The following FTO variants were observed in gnomAD, a reference collection of about 807,000 sequenced individuals.
FTO encodes FTO alpha-ketoglutarate dependent dioxygenase.
Under a neutral mutation model 63.9 loss-of-function variants are expected in FTO, and 47 were observed. The ratio of observed to expected loss-of-function variants is 0.74; its 90% CI spans 0.58 to 0.94. FTO has a LOEUF of 0.94. FTO is among the 40% of genes least tolerant of loss of function. The pLI is 0.00. For missense variants in FTO, 562 were observed against 618.1 expected (o/e 0.91, Z 0.96); for synonymous variants, 207 against 224.4 (o/e 0.92, Z 0.69).
chr16:54,002,441 G>A (rs1198539775), intron 8 of FTO, among the ~76,000 whole-genome samples: 1 of 152,230 alleles, frequency 6.6e-6, no homozygotes, highest in Non-Finnish European at 1.5e-5. Flanking sequence ...ATTGTACGAG[G>A]TAACTCCACT....
intron 4 of FTO, among the ~76,000 whole-genome samples, chr16:53,857,440 GTCTCTCTCTC>G (rs147635985): frequency 2.5e-3 from 349 of 142,034 alleles, no homozygotes; most frequent in Middle Eastern, 0.015. Flanking sequence ...TGAGAACCTG[GTCTCTCTCTC>G]TCTCTCTCTC....
At chr16:53,736,437 G>A (rs1416151098) in intron 1 of FTO, among the ~76,000 whole-genome samples, 2 of 150,974 alleles carry the variant, frequency 1.3e-5, no homozygotes, top group African/African-American at 4.9e-5. Flanking sequence ...TGGAAATCTC[G>A]GGGTCATCCT....
At chr16:53,944,882 G>T (rs2143432659) in intron 8 of FTO, among the ~76,000 whole-genome samples, 1 of 152,316 alleles carries the variant, frequency 6.6e-6, no homozygotes, top group East Asian at 1.9e-4. Context: ...TCTCCTTTGA[G>T]AGAATGCCTC....
intron 8 of FTO, among the ~76,000 whole-genome samples, chr16:53,983,122 C>T (rs1304396682): frequency 6.6e-6 from 1 of 152,090 alleles, no homozygotes; most frequent in Non-Finnish European, 1.5e-5. Context: ...AGATTTCTCT[C>T]TGCGCTTTTT....
chr16:54,038,755 C>G (rs2085003586), intron 8 of FTO, among the ~76,000 whole-genome samples: 1 of 152,208 alleles, frequency 6.6e-6, no homozygotes, highest in Admixed American at 6.5e-5. Flanking sequence ...TGCCTGTACC[C>G]TCTTCGCCTT....
chr16:53,712,559 A>T (rs1375149745), intron 1 of FTO, among the ~76,000 whole-genome samples: 1 of 152,250 alleles, frequency 6.6e-6, no homozygotes, highest in Non-Finnish European at 1.5e-5. Flanking sequence ...ACTATCGAGT[A>T]ACAGTGAGTT....
intron 1 of FTO, among the ~76,000 whole-genome samples, chr16:53,800,703 C>G (rs2078197071): frequency 6.6e-6 from 1 of 152,000 alleles, no homozygotes; most frequent in African/African-American, 2.4e-5. Flanking sequence ...GATGATTTGA[C>G]TCCTTTATCA....
At position 54,095,440 on chromosome 16, in the gene FTO, C is replaced by CTTT. The variant is rs144637373; in HGVS notation, c.1365-16312_1365-16310dup. On this transcript the variant is annotated intron_variant, in intron 8 of 8. Coordinates refer to ENST00000471389, the MANE Select transcript of FTO (RefSeq NM_001080432.3). ...TCTTCCCTCAGCCTCTCTATTCACTCTTTTTTTTTTTTCATTTCTCTGCTT... is the reference window on the plus strand; with the variant it reads ...TCTTCCCTCAGCCTCTCTATTCACTCTTTTTTTTTTTTTTTCATTTCTCTGCTT... 1.2e-4 allele frequency among the ~76,000 whole-genome samples: 18 copies of CTTT among 147,030 alleles called. No homozygotes were observed. The East Asian group carries it at 2.0e-3, about 16-fold the overall frequency.
At chr16:53,932,320 G>C (rs559266563) in intron 7 of FTO, among the ~76,000 whole-genome samples, 19 of 152,058 alleles carry the variant, frequency 1.2e-4, no homozygotes, top group South Asian at 8.3e-4. Flanking sequence ...TCACAATGGA[G>C]GTACTATTTT....
At chr16:54,061,905 G>T (rs2085585856) in intron 8 of FTO, among the ~76,000 whole-genome samples, 1 of 152,164 alleles carries the variant, frequency 6.6e-6, no homozygotes, top group South Asian at 2.1e-4. Context: ...AGAGGACCTG[G>T]TCTAGGGCTA....
intron 4 of FTO, among the ~76,000 whole-genome samples, chr16:53,857,323 G>C (rs1460131349): frequency 1.3e-5 from 2 of 152,130 alleles, no homozygotes; most frequent in African/African-American, 4.8e-5. Context: ...ACTTATAAGA[G>C]AGAACGTGCA....
chr16:53,988,037 C>G (rs1437872155), intron 8 of FTO, among the ~76,000 whole-genome samples: 1 of 152,130 alleles, frequency 6.6e-6, no homozygotes, highest in African/African-American at 2.4e-5. Flanking sequence ...ACCATTGCCT[C>G]CCTTATAGCC....
intron 4 of FTO, among the ~76,000 whole-genome samples, chr16:53,846,754 A>C (rs1435272689): frequency 6.7e-6 from 1 of 149,724 alleles, no homozygotes; most frequent in Admixed American, 6.7e-5. Flanking sequence ...GGGAGCTGAG[A>C]TTGCACCACT....
At chr16:53,893,087 T>C (rs1327401979) in intron 7 of FTO, among the ~76,000 whole-genome samples, 1 of 152,170 alleles carries the variant, frequency 6.6e-6, no homozygotes, top group Non-Finnish European at 1.5e-5. Flanking sequence ...GATGTAAATG[T>C]TAAACCTTAT....
chr16:53,757,180 G>T (rs1444066027), intron 1 of FTO, among the ~76,000 whole-genome samples: 1 of 152,146 alleles, frequency 6.6e-6, no homozygotes, highest in Admixed American at 6.5e-5. Context: ...AGAATGGCTA[G>T]ATCAACCTAA....
intron 7 of FTO, among the ~76,000 whole-genome samples, chr16:53,930,764 G>C (rs2082262573): frequency 6.6e-6 from 1 of 152,182 alleles, no homozygotes; most frequent in South Asian, 2.1e-4. Context: ...TGAACTTCTA[G>C]AGGATCTGGT....
At chr16:53,822,258 G>A (rs535606136) in intron 2 of FTO, among the ~76,000 whole-genome samples, 46 of 152,192 alleles carry the variant, frequency 3.0e-4, no homozygotes, top group African/African-American at 1.1e-3. Context: ...ACCCTAGAAC[G>A]TACTCATCTG....
rs1247622875 is a variant in FTO at position 54,094,839 on chromosome 16, A to G, written c.1365-16923A>G. Among the ~76,000 whole-genome samples, 5 of 152,284 alleles carry G rather than the reference A, an allele frequency of 3.3e-5. No individual in the cohort carries two copies. In the South Asian group the frequency reaches 1.0e-3, roughly 32 times the overall value. On this transcript the variant is annotated intron_variant, in intron 8 of 8. Transcript: ENST00000471389. ...AAGTTTAGTCTCATGAGATGACTCCATTCCTAAGGGAATCTAGAGGCTTTC... is the reference window on the plus strand; with the variant it reads ...AAGTTTAGTCTCATGAGATGACTCCGTTCCTAAGGGAATCTAGAGGCTTTC...
chr16:54,061,963 A>G (rs1335303074), intron 8 of FTO, among the ~76,000 whole-genome samples: 1 of 152,122 alleles, frequency 6.6e-6, no homozygotes, highest in East Asian at 1.9e-4. Context: ...CGGCAATAAA[A>G]TTTCAGTGTG....
Sources: allele counts gnomAD v4.1 joint callset (sites outside exome capture counted in the v4.1 genomes callset), GRCh38; gene constraint gnomAD v4.1.1; transcripts MANE v1.5; gene names NCBI Gene and HGNC (gene_info 2026-07-23, HGNC 2026-07-21).